The following ASTN2 variants were observed in gnomAD, a reference collection of about 807,000 sequenced individuals.
ASTN2 encodes the protein astrotactin 2.
ASTN2 carries 54 observed loss-of-function variants against 139.8 expected under a neutral mutation model. The ratio of observed to expected loss-of-function variants is 0.39; its 90% confidence interval spans 0.31 to 0.48. The LOEUF (loss-of-function observed/expected upper bound fraction) is 0.48, where lower values mean the gene tolerates loss of function less well. Ranked by LOEUF, ASTN2 falls within the 20% of genes least tolerant of loss-of-function variation. ASTN2 has a pLI of 0.95. For synonymous variants in ASTN2, 756 were observed against 719.5 expected, an observed-to-expected ratio of 1.05 and a Z score of -0.81; for missense variants, 1,565 against 1,725.1, an observed-to-expected ratio of 0.91 and a Z score of 1.64.
chr9:117,342,813 A>G (rs1451841930), intron 1 of ASTN2, among the ~76,000 whole-genome samples: 1 of 152,196 alleles, frequency 6.6e-6, no homozygotes, highest in Non-Finnish European at 1.5e-5. Context: ...GGAACCCTGC[A>G]TATTTCCATG....
intron 7 of ASTN2, among the ~76,000 whole-genome samples, chr9:116,988,857 A>C (rs935384524): frequency 6.6e-6 from 1 of 152,134 alleles, no homozygotes; most frequent in Non-Finnish European, 1.5e-5. Context: ...CTTTTCCTGC[A>C]AATTGCTGGG....
intron 1 of ASTN2, among the ~76,000 whole-genome samples, chr9:117,410,656 A>G (rs1270920912): frequency 6.6e-6 from 1 of 152,048 alleles, no homozygotes; most frequent in African/African-American, 2.4e-5. Context: ...TTAGCATTCC[A>G]CTTTTCCTCA....
At chr9:116,516,513 G>A (rs1390709199) in intron 19 of ASTN2, among the ~76,000 whole-genome samples, 6 of 152,234 alleles carry the variant, frequency 3.9e-5, no homozygotes, top group African/African-American at 9.6e-5. Flanking sequence ...GGACTAGCTT[G>A]CAGCTCCTGC....
chr9:117,224,228 T>C (rs1417819795), intron 2 of ASTN2, among the ~76,000 whole-genome samples: 2 of 152,238 alleles, frequency 1.3e-5, no homozygotes, highest in Non-Finnish European at 2.9e-5. Flanking sequence ...TTATATGGCT[T>C]TGGATAAGTC....
At chr9:116,666,279 C>G (rs16933808) in intron 16 of ASTN2, among the ~76,000 whole-genome samples, 6,902 of 152,238 alleles carry the variant, frequency 0.045, 539 homozygotes, top group African/African-American at 0.16. Context: ...CTGAGTAATT[C>G]AGGTGGTACT....
At position 116,805,946 on chromosome 9, in the gene ASTN2, A is replaced by T; in HGVS notation, c.2208-126T>A. On this transcript the variant is annotated intron_variant, in intron 12 of 22. Transcript: ENST00000313400. ...AGTTTAGGAAGGAGACAGCTATTCTACCTGGAATCTATCTAGGGCACAGAT... is the reference window on the plus strand; with the variant it reads ...AGTTTAGGAAGGAGACAGCTATTCTTCCTGGAATCTATCTAGGGCACAGAT... 4 of 883,638 alleles carry T rather than the reference A, an allele frequency of 4.5e-6. No individual in the cohort carries two copies. The South Asian group carries it at 6.8e-5, about 15-fold the overall frequency. The allele number at this position is 883,638 out of a possible 1,614,324, so 54.7% of individuals were successfully genotyped here. A position where few individuals can be genotyped will look rare whatever the true frequency, so the allele number is the denominator to read the frequency against.
chr9:116,531,349 C>G (rs1851335355), intron 19 of ASTN2, among the ~76,000 whole-genome samples: 2 of 152,044 alleles, frequency 1.3e-5, no homozygotes, highest in Admixed American at 6.6e-5. Context: ...GATACAGAGG[C>G]CCTCTGCTTA....
At chr9:116,940,149 G>A (rs1231087540) in intron 10 of ASTN2, among the ~76,000 whole-genome samples, 2 of 152,172 alleles carry the variant, frequency 1.3e-5, no homozygotes, top group African/African-American at 4.8e-5. Flanking sequence ...GTCTCACTAT[G>A]TTGCCCAGGC....
At position 116,731,675 on chromosome 9, in the gene ASTN2, C is replaced by T. The variant is rs372217039; in HGVS notation, c.2521+1724G>A. On this transcript the variant is annotated intron_variant, in intron 14 of 22. Coordinates refer to ENST00000313400, the MANE Select transcript of ASTN2 (RefSeq NM_001365068.1). ...CTGACCTCAGGTGATCAACCTGCCT[C>T]GGACTCCCAAAGTGTGGGGATTACA... 9.9e-5 allele frequency among the ~76,000 whole-genome samples: 15 copies of T among 152,238 alleles called. 2 individuals are homozygous for T. The highest frequency in any genetic ancestry group is 3.9e-4 in the Admixed American group (6 of 15,296).
At position 116,703,265 on chromosome 9, in the gene ASTN2, C is replaced by T. The variant is rs566249347; in HGVS notation, c.2806+22506G>A. Among the ~76,000 whole-genome samples, 107 of 151,002 alleles carry T rather than the reference C, an allele frequency of 7.1e-4. No individual in the cohort carries two copies. In the East Asian group the frequency reaches 0.02, roughly 29 times the overall value. On this transcript the variant is annotated intron_variant, in intron 16 of 22. Coordinates refer to ENST00000313400, the MANE Select transcript of ASTN2 (RefSeq NM_001365068.1). ...CATTTTTTCATGTATTTTTTGGCTG[C>T]ATAAATGTCTTCTTTTGAGAAGTGT...
intron 13 of ASTN2, among the ~76,000 whole-genome samples, chr9:116,776,647 C>G (rs1402868273): frequency 1.3e-5 from 2 of 152,054 alleles, no homozygotes; most frequent in African/African-American, 4.8e-5. Flanking sequence ...GCTACCAAGT[C>G]AAGCAACAGA....
rs1849370801 is a variant in ASTN2, at chr9:116,487,278, A to G, written c.3497+81T>C. 6 of 1,549,102 alleles carry G rather than the reference A, an allele frequency of 3.9e-6. No homozygotes were observed. The South Asian group carries it at 7.3e-5, about 19-fold the overall frequency. On this transcript the variant is annotated intron_variant, in intron 20 of 22. Transcript: ENST00000313400. ...CTAATAAAACATTTGGCTGGCCTGC[A>G]CAGAATAACTCATGCCATTCCTCTT...
At chr9:116,872,927 C>A (rs1438993896) in intron 10 of ASTN2, among the ~76,000 whole-genome samples, 1 of 152,084 alleles carries the variant, frequency 6.6e-6, no homozygotes, top group Non-Finnish European at 1.5e-5. Flanking sequence ...GAGAAGATTC[C>A]TGTGTGCCAG....
chr9:116,808,610 C>A (rs1831089930), intron 12 of ASTN2, among the ~76,000 whole-genome samples: 1 of 152,146 alleles, frequency 6.6e-6, no homozygotes. Context: ...TTTGTTATTA[C>A]AAACAATGCC....
chr9:117,293,824 A>G (rs1437853228), intron 1 of ASTN2, among the ~76,000 whole-genome samples: 1 of 152,178 alleles, frequency 6.6e-6, no homozygotes, highest in East Asian at 1.9e-4. Context: ...GGTCCAGGGA[A>G]CCCAGGGCTG....
At chr9:116,461,643 C>A (rs771400653) in intron 20 of ASTN2, among the ~76,000 whole-genome samples, 11 of 152,110 alleles carry the variant, frequency 7.2e-5, no homozygotes, top group Non-Finnish European at 1.5e-4. Context: ...CTTCTCCAGC[C>A]TTCTCTTCCC....
intron 10 of ASTN2, among the ~76,000 whole-genome samples, chr9:116,973,371 CA>C (rs1360969918): frequency 6.6e-6 from 1 of 152,116 alleles, no homozygotes; most frequent in Non-Finnish European, 1.5e-5. Context: ...ATTTTGCAGA[CA>C]AATAAATGAA....
chr9:116,878,878 T>C (rs1833373359), intron 10 of ASTN2, among the ~76,000 whole-genome samples: 1 of 151,412 alleles, frequency 6.6e-6, no homozygotes, highest in Admixed American at 6.6e-5. Flanking sequence ...TCCTCCAAGC[T>C]CTCATCTCAA....
At chr9:117,324,643 C>A (rs1035457094) in intron 1 of ASTN2, among the ~76,000 whole-genome samples, 3 of 152,084 alleles carry the variant, frequency 2.0e-5, no homozygotes, top group Non-Finnish European at 2.9e-5. Context: ...GGGACACAGA[C>A]AAACCATATC....
Sources: allele counts gnomAD v4.1 joint callset (sites outside exome capture counted in the v4.1 genomes callset), GRCh38; gene constraint gnomAD v4.1.1; transcripts MANE v1.5; gene names NCBI Gene and HGNC (gene_info 2026-07-23, HGNC 2026-07-21).